MKX: variants seen among roughly 807,000 people sequenced by gnomAD.
The protein encoded by MKX is homeobox protein Mohawk.
MKX carries 13 observed loss-of-function variants against 36.0 expected under a neutral mutation model. That is an observed-to-expected ratio of 0.36 (90% CI 0.24 to 0.57). The LOEUF is 0.57. Among genes scored for constraint, MKX ranks in the 20% least tolerant of loss-of-function variants. The pLI is 0.79. For synonymous variants in MKX, 176 were observed against 178.3 expected, an observed-to-expected ratio of 0.99 and a Z score of 0.10; for missense variants, 458 against 456.4, an observed-to-expected ratio of 1.00 and a Z score of -0.03.
intron 5 of MKX, among the ~76,000 whole-genome samples, chr10:27,728,783 A>G (rs150082440): frequency 2.6e-5 from 4 of 152,330 alleles, no homozygotes; most frequent in African/African-American, 7.2e-5. Flanking sequence ...GCAGGAAGAG[A>G]GAGAAAAAGA....
chr10:27,688,742 C>A (rs1836401839), intron 5 of MKX, among the ~76,000 whole-genome samples: 1 of 152,190 alleles, frequency 6.6e-6, no homozygotes, highest in South Asian at 2.1e-4. Flanking sequence ...TGCTTCTTAG[C>A]TAAATCTTAA....
intron 5 of MKX, among the ~76,000 whole-genome samples, chr10:27,711,407 T>G (rs547138947): frequency 1.4e-5 from 2 of 146,302 alleles, no homozygotes; most frequent in South Asian, 4.4e-4. Flanking sequence ...TTTCCTTCTT[T>G]CCTTCTTTCT....
intron 5 of MKX, among the ~76,000 whole-genome samples, chr10:27,711,417 TTTC>T (rs1836849480): frequency 6.6e-6 from 1 of 150,680 alleles, no homozygotes; most frequent in African/African-American, 2.5e-5. Flanking sequence ...TCCTTCTTTC[TTTC>T]TTTCTTTTCT....
intron 5 of MKX, among the ~76,000 whole-genome samples, chr10:27,706,192 G>A (rs1836752941): frequency 6.6e-6 from 1 of 151,918 alleles, no homozygotes; most frequent in Non-Finnish European, 1.5e-5. Context: ...TATCTATGTT[G>A]TAGCATGTGT....
At chr10:27,679,762 C>A (rs867979210) in intron 5 of MKX, among the ~76,000 whole-genome samples, 4 of 152,140 alleles carry the variant, frequency 2.6e-5, no homozygotes, top group Non-Finnish European at 5.9e-5. Flanking sequence ...GATGGGAATT[C>A]AGAAAATTTA....
At chr10:27,689,743 T>C (rs1183613334) in intron 5 of MKX, among the ~76,000 whole-genome samples, 6 of 152,044 alleles carry the variant, frequency 3.9e-5, no homozygotes, top group African/African-American at 1.4e-4. Context: ...AGATCTACTC[T>C]AAATTTTGCC....
Position 27,744,838 on chromosome 10 carries a change from C to G in MKX, c.-83+869G>C, listed in dbSNP as rs922489447. The G allele has an allele frequency of 1.3e-5, 2 of 152,212 alleles. No homozygotes were observed. The highest frequency in any genetic ancestry group is 2.4e-5 in the African/African-American group (1 of 41,394). 9.4% of individuals were successfully genotyped at this position (152,212 alleles called of 1,614,324 possible). A position where few individuals can be genotyped will look rare whatever the true frequency, so the allele number is the denominator to read the frequency against. ...GCCACGCGTGACATTTAGGACCACG[C>G]GTGACCACCGCGATCAAACGACGGC... On this transcript the variant is annotated intron_variant, in intron 1 of 6. Transcript: ENST00000419761. This position sits in a 1 kb window ranked among gnomAD's most constrained non-coding sequence, Gnocchi z 5.6.
At chr10:27,726,714 A>ATTTTTTTTTTTTTTTTTTTTTTTTTT (rs3063191) in intron 5 of MKX, among the ~76,000 whole-genome samples, 1 of 144,518 alleles carries the variant, frequency 6.9e-6, no homozygotes, top group Admixed American at 6.8e-5. Context: ...TCATTGTTTA[A>ATTTTTTTTTTTTTTTTTTTTTTTTTT]TTTTTTTTTT....
At chr10:27,676,683 A>G (rs1006425848) in intron 5 of MKX, among the ~76,000 whole-genome samples, 1 of 152,162 alleles carries the variant, frequency 6.6e-6, no homozygotes, top group Admixed American at 6.5e-5. Flanking sequence ...GCCAGTTATC[A>G]AACATTTATT....
In MKX at chr10:27,694,887, C is replaced by CTT. The variant is rs200916547; in HGVS notation, c.839-19335_839-19334dup. 2.2e-4 allele frequency among the ~76,000 whole-genome samples: 30 copies of CTT among 137,622 alleles called. No individual in the cohort carries two copies. In the East Asian group the frequency reaches 2.3e-3, roughly 10 times the overall value. The allele number at this position is 137,622 out of a possible 152,430, so 90.3% of individuals were successfully genotyped here. On this transcript the variant is annotated intron_variant, in intron 5 of 6. Coordinates refer to ENST00000419761, the MANE Select transcript of MKX (RefSeq NM_173576.3). ...CATCATAAAAGCACAAACAAATTGC[C>CTT]TTTTTTTTTTTTTTTAACAGCAGCC... is the stretch of plus-strand genomic sequence containing the variant.
At chr10:27,679,927 T>G (rs1028672812) in intron 5 of MKX, among the ~76,000 whole-genome samples, 5 of 152,132 alleles carry the variant, frequency 3.3e-5, no homozygotes, top group African/African-American at 4.8e-5. Context: ...TGAGGAGCAG[T>G]GGGTCTGTGT....
intron 5 of MKX, among the ~76,000 whole-genome samples, chr10:27,716,159 T>A (rs1836960241): frequency 6.6e-6 from 1 of 152,106 alleles, no homozygotes; most frequent in Admixed American, 6.5e-5. Flanking sequence ...TTGTAAGGAC[T>A]AACTAAAATA....
intron 5 of MKX, among the ~76,000 whole-genome samples, chr10:27,714,009 CAAAAAAA>C (rs10632508): frequency 2.9e-5 from 3 of 102,528 alleles, no homozygotes; most frequent in Non-Finnish European, 4.2e-5. Flanking sequence ...GTGCAAAGAC[CAAAAAAA>C]AAAAAAAAAA....
In MKX at chr10:27,719,284, A is replaced by T. The variant is rs893870412; in HGVS notation, c.838+15172T>A. Among the ~76,000 whole-genome samples, 4 of 152,134 alleles carry T rather than the reference A, an allele frequency of 2.6e-5. No homozygotes were observed. The East Asian group carries it at 7.7e-4, about 29-fold the overall frequency. On this transcript the variant is annotated intron_variant, in intron 5 of 6. Coordinates refer to ENST00000419761, the MANE Select transcript of MKX (RefSeq NM_173576.3). The stretch of plus-strand genomic sequence containing the variant: ...ACAGGTGGAGGGCAAGACCGTGGAG[A>T]GTGTGAGCTGCTTCTCCCAACAGGG...
intron 5 of MKX, among the ~76,000 whole-genome samples, chr10:27,684,783 AGAT>A (rs1836313363): frequency 6.6e-6 from 1 of 152,246 alleles, no homozygotes; most frequent in Admixed American, 6.5e-5. Flanking sequence ...GTTTCGTGGA[AGAT>A]GATTTTTCCA....
At position 27,699,192 on chromosome 10, in the gene MKX, T is replaced by C. The variant is rs56778902; in HGVS notation, c.839-23638A>G. ...TCAGAGAATATTGAAAAGCTAGAAG[T>C]CTCAAGGCAAATCTCTACTAATCCA... On this transcript the variant is annotated intron_variant, in intron 5 of 6. Transcript: ENST00000419761. 4.8e-3 allele frequency among the ~76,000 whole-genome samples: 725 copies of C among 152,248 alleles called. 6 individuals are homozygous for C. The highest frequency in any genetic ancestry group is 0.017 in the African/African-American group (698 of 41,560).
intron 5 of MKX, among the ~76,000 whole-genome samples, chr10:27,703,329 A>C (rs1836693511): frequency 6.6e-6 from 1 of 152,200 alleles, no homozygotes; most frequent in Non-Finnish European, 1.5e-5. Flanking sequence ...TGTAAATCAG[A>C]GAAATTAAAT....
intron 5 of MKX, among the ~76,000 whole-genome samples, chr10:27,692,682 G>A (rs1191759005): frequency 6.6e-6 from 1 of 152,154 alleles, no homozygotes; most frequent in African/African-American, 2.4e-5. Flanking sequence ...TTTCTTTCTA[G>A]GGTAGGATAA....
intron 5 of MKX, among the ~76,000 whole-genome samples, chr10:27,720,293 A>C (rs1834348982): frequency 6.6e-6 from 1 of 152,034 alleles, no homozygotes. Flanking sequence ...CATAACTCTA[A>C]TACTAAAACT....
Sources: allele counts gnomAD v4.1 joint callset (sites outside exome capture counted in the v4.1 genomes callset), GRCh38; gene constraint gnomAD v4.1.1; non-coding constraint Gnocchi (gnomAD v3.1); transcripts MANE v1.5; gene names NCBI Gene and HGNC (gene_info 2026-07-23, HGNC 2026-07-21).